The following SIPA1L1 variants were observed in gnomAD, a reference collection of about 807,000 sequenced individuals.
SIPA1L1 encodes the protein signal-induced proliferation-associated 1-like protein 1.
A neutral mutation model predicts 162.7 loss-of-function variants in SIPA1L1; 26 were observed. The ratio of observed to expected loss-of-function variants is 0.16; its 90% CI spans 0.12 to 0.22. The LOEUF is 0.22. SIPA1L1 is among the 10% of genes least tolerant of loss of function. The probability of loss-of-function intolerance (pLI) is 1.00; values close to 1 mark genes in which losing one functional copy is unlikely to be tolerated. For synonymous variants in SIPA1L1, 829 were observed against 837.4 expected (o/e 0.99, Z 0.17); for missense variants, 1,874 against 2,241.0 (o/e 0.84, Z 3.31).
In SIPA1L1 at chr14:71,351,398, G is replaced by A. The variant is rs549567972; in HGVS notation, c.-465+30217G>A. ...TAGGACTCAACACTAAAGGTACCAT[G>A]ATAGGTTGGGAATATTTCATGATTT... is the stretch of plus-strand genomic sequence containing the variant. On this transcript the variant is annotated intron_variant, in intron 2 of 23. Transcript: ENST00000381232. 4.2e-4 allele frequency among the ~76,000 whole-genome samples: 64 copies of A among 152,302 alleles called. 1 individual carries two copies. The highest frequency in any genetic ancestry group is 1.5e-3 in the African/African-American group (62 of 41,558).
At chr14:71,512,162 G>T (rs943624168) in intron 2 of SIPA1L1, among the ~76,000 whole-genome samples, 1 of 152,110 alleles carries the variant, frequency 6.6e-6, no homozygotes, top group Non-Finnish European at 1.5e-5. Context: ...GTCTGAATTA[G>T]GAACAGCCTT....
chr14:71,659,690 G>T (rs767828429), intron 9 of SIPA1L1, among the ~76,000 whole-genome samples: 6 of 152,146 alleles, frequency 3.9e-5, no homozygotes, highest in Non-Finnish European at 5.9e-5. Context: ...AGAAAGATGA[G>T]ATTTGTAAGG....
At chr14:71,659,889 T>A (rs1260927809) in intron 9 of SIPA1L1, among the ~76,000 whole-genome samples, 1 of 152,012 alleles carries the variant, frequency 6.6e-6, no homozygotes, top group Non-Finnish European at 1.5e-5. Context: ...ATGAAAAAAT[T>A]TTCACTCTCT....
chr14:71,464,621 A>G (rs1003374369), intron 2 of SIPA1L1, among the ~76,000 whole-genome samples: 1 of 152,098 alleles, frequency 6.6e-6, no homozygotes. Context: ...AGCCTGGGTG[A>G]CAGAGGGAGA....
intron 2 of SIPA1L1, among the ~76,000 whole-genome samples, chr14:71,350,884 A>G (rs1490903340): frequency 6.6e-6 from 1 of 152,206 alleles, no homozygotes; most frequent in African/African-American, 2.4e-5. Context: ...TGATATGGGT[A>G]TTAGGTGGAT....
chr14:71,568,313 GTAACT>G (rs2031189997), intron 4 of SIPA1L1, among the ~76,000 whole-genome samples: 1 of 152,034 alleles, frequency 6.6e-6, no homozygotes, highest in Admixed American at 6.6e-5. Context: ...TCCATCTTTT[GTAACT>G]TCTTCAGGCC....
intron 2 of SIPA1L1, among the ~76,000 whole-genome samples, chr14:71,407,189 A>G (rs1223863153): frequency 6.6e-6 from 1 of 152,190 alleles, no homozygotes; most frequent in East Asian, 1.9e-4. Flanking sequence ...GAAAGTAACT[A>G]AAAAGCTTTT....
intron 15 of SIPA1L1, 29 bp downstream of exon 15, chr14:71,702,534 G>A (rs759627199): frequency 5.0e-6 from 8 of 1,609,228 alleles, no homozygotes; most frequent in Admixed American, 1.7e-5. Flanking sequence ...CAAGAAGAAA[G>A]TTGCTTTTAC....
At chr14:71,606,449 G>A (rs1433235396) in intron 5 of SIPA1L1, among the ~76,000 whole-genome samples, 5 of 152,124 alleles carry the variant, frequency 3.3e-5, no homozygotes, top group Non-Finnish European at 5.9e-5. Flanking sequence ...GATCCCTAGG[G>A]CAGGGTGCAG....
intron 2 of SIPA1L1, among the ~76,000 whole-genome samples, chr14:71,488,848 A>G (rs537616968): frequency 1.3e-5 from 2 of 152,308 alleles, no homozygotes; most frequent in Admixed American, 1.3e-4. Flanking sequence ...TTTTTCATAA[A>G]ATATGCTCAT....
intron 2 of SIPA1L1, among the ~76,000 whole-genome samples, chr14:71,436,489 C>T (rs995510015): frequency 2.0e-5 from 3 of 152,132 alleles, no homozygotes; most frequent in African/African-American, 7.2e-5. Flanking sequence ...GTTGTGCCAG[C>T]ACCATTTATT....
chr14:71,325,406 G>A (rs1430355276), intron 2 of SIPA1L1, among the ~76,000 whole-genome samples: 1 of 152,160 alleles, frequency 6.6e-6, no homozygotes, highest in African/African-American at 2.4e-5. Context: ...AGAAGCATGG[G>A]AAAGATTTGT....
chr14:71,738,322 G>A lies in SIPA1L1; in HGVS notation c.5205G>A (p.Lys1735=), dbSNP rs1470820220. 1 of 1,609,950 alleles carries A rather than the reference G, an allele frequency of 6.2e-7. No individual in the cohort carries two copies. Among genetic ancestry groups the A allele is most frequent in the Non-Finnish European group, 8.5e-7 (1 of 1,176,446 alleles). The change falls in exon 23 of 24, where the codon AAG becomes AAA. Residue 1735 remains lysine, a synonymous_variant. Transcript: ENST00000381232. ...GMLKMLREDL[K]KEKEDKAHLQ... ...TGAAGATGCTTCGGGAAGATTTGAA[G>A]AAGGTAAACATGTATTCTCAAAGCA...
At chr14:71,551,904 A>G (rs1473318954) in intron 4 of SIPA1L1, among the ~76,000 whole-genome samples, 3 of 152,086 alleles carry the variant, frequency 2.0e-5, no homozygotes, top group African/African-American at 4.8e-5. Context: ...TTAAATGACT[A>G]CTTCACAAAG....
intron 6 of SIPA1L1, among the ~76,000 whole-genome samples, chr14:71,620,504 T>A (rs927131595): frequency 6.6e-6 from 1 of 152,246 alleles, no homozygotes; most frequent in African/African-American, 2.4e-5. Flanking sequence ...GTGTTGTTTT[T>A]TTGTCCACCT....
At chr14:71,461,204 C>T (rs1567053729) in intron 2 of SIPA1L1, among the ~76,000 whole-genome samples, 1 of 152,178 alleles carries the variant, frequency 6.6e-6, no homozygotes, top group African/African-American at 2.4e-5. Flanking sequence ...GTATAATCAA[C>T]CTGCCACTAG....
chr14:71,709,287 T>C lies in SIPA1L1; in HGVS notation c.3831T>C (p.His1277=), dbSNP rs771542455. 1.9e-6 allele frequency: 3 copies of C among 1,614,070 alleles called. No individual in the cohort carries two copies. Among genetic ancestry groups the C allele is most frequent in the East Asian group, 4.5e-5 (2 of 44,898 alleles). Residue 1277 remains histidine (H), a synonymous_variant, in exon 17 of 24, where the codon CAT becomes CAC. Transcript: ENST00000381232. ...NTLSSNASSA[H]SDEKWYDGDR... ...TCTCCAGCAATGCGTCAAGTGCCCA[T>C]AGTGATGAGAAGTGGTACGATGGGG...
At chr14:71,637,901 G>C (rs190556935) in intron 7 of SIPA1L1, among the ~76,000 whole-genome samples, 209 of 152,074 alleles carry the variant, frequency 1.4e-3, no homozygotes, top group Non-Finnish European at 2.5e-3. Flanking sequence ...TACCACCAAC[G>C]CCCCCAATAG....
rs566791230 is a variant in SIPA1L1, at chr14:71,405,950, C to G, written c.-465+84769C>G. 5.3e-4 allele frequency among the ~76,000 whole-genome samples: 80 copies of G among 152,272 alleles called. 1 individual carries two copies. The highest frequency in any genetic ancestry group is 1.1e-3 in the Admixed American group (17 of 15,286). On this transcript the variant is annotated intron_variant, in intron 2 of 23. Coordinates refer to ENST00000381232, the MANE Select transcript of SIPA1L1 (RefSeq NM_001386936.1). ...GAATAGTAAGATGTAGTTTACTAAC[C>G]TTTTAACAAGTCAGTCTGACTACTC...
Sources: allele counts gnomAD v4.1 joint callset (sites outside exome capture counted in the v4.1 genomes callset), GRCh38; gene constraint gnomAD v4.1.1; transcripts MANE v1.5; gene names NCBI Gene and HGNC (gene_info 2026-07-23, HGNC 2026-07-21).